The following PCCA variants were observed in gnomAD, a reference collection of about 807,000 sequenced individuals.
PCCA encodes propionyl-CoA carboxylase alpha chain, mitochondrial.
Under a neutral mutation model 101.3 loss-of-function variants are expected in PCCA, and 74 were observed. The ratio of observed to expected loss-of-function variants is 0.73; its 90% CI spans 0.61 to 0.89. The LOEUF (loss-of-function observed/expected upper bound fraction) is 0.89. Among genes scored for constraint, PCCA ranks in the 40% least tolerant of loss-of-function variants. The probability of loss-of-function intolerance (pLI) is 0.00; values close to 1 mark genes in which losing one functional copy is unlikely to be tolerated. For synonymous variants in PCCA, 294 were observed against 313.6 expected (o/e 0.94, Z 0.66); for missense variants, 891 against 907.0 (o/e 0.98, Z 0.23).
intron 1 of PCCA, 28 bp from the exon 2 acceptor site, chr13:100,102,855 A>G: frequency 6.6e-7 from 1 of 1,505,946 alleles, no homozygotes; most frequent in Non-Finnish European, 9.2e-7. Context: ...AAGTATTTGC[A>G]ATTTATTTTG....
intron 18 of PCCA, among the ~76,000 whole-genome samples, chr13:100,358,704 A>G (rs543294164): frequency 6.6e-6 from 1 of 152,324 alleles, no homozygotes; most frequent in East Asian, 1.9e-4. Context: ...AAGAGACACA[A>G]AAGGACAAAG....
intron 19 of PCCA, among the ~76,000 whole-genome samples, chr13:100,412,268 G>T (rs1261555441): frequency 6.6e-6 from 1 of 152,200 alleles, no homozygotes; most frequent in African/African-American, 2.4e-5. Flanking sequence ...ATTCACTAAG[G>T]AGAGGGTCCT....
Position 100,354,074 on chromosome 13 carries a change from A to AAAAAAT in PCCA, c.1643+13817_1643+13818insAAATAA, listed in dbSNP as rs1555430870. ...TAGAAGTTTGAGACCCCATCTCTAC[A>AAAAAAT]AATAATAATAATAATAATAATAATA... On this transcript the variant is annotated intron_variant, in intron 18 of 23. Coordinates refer to ENST00000376285, the MANE Select transcript of PCCA (RefSeq NM_000282.4). Among the ~76,000 whole-genome samples, 20 of 129,142 alleles carry AAAAAAT rather than the reference A, an allele frequency of 1.5e-4. No homozygotes were observed. In the Admixed American group the frequency reaches 1.6e-3, roughly 11 times the overall value. 84.7% of individuals were successfully genotyped at this position (129,142 alleles called of 152,430 possible).
intron 21 of PCCA, among the ~76,000 whole-genome samples, chr13:100,492,914 C>T (rs940031715): frequency 6.6e-6 from 1 of 151,950 alleles, no homozygotes; most frequent in African/African-American, 2.4e-5. Context: ...TCACCGAGAG[C>T]CATCTCCATC....
At position 100,348,920 on chromosome 13, in the gene PCCA, T is replaced by TTTCTTTTTTTCCTTCCTTCCTTCCTTCC. The variant is rs1555429132; in HGVS notation, c.1643+8663_1643+8664insCTTTTTTTCCTTCCTTCCTTCCTTCCTT. 2.2e-5 allele frequency among the ~76,000 whole-genome samples: 2 copies of TTTCTTTTTTTCCTTCCTTCCTTCCTTCC among 89,020 alleles called. 1 individual carries two copies. The highest frequency in any genetic ancestry group is 4.7e-5 in the Non-Finnish European group (2 of 42,864). The allele number at this position is 89,020 out of a possible 152,430, so 58.4% of individuals were successfully genotyped here. ...TTCCTTCCTTCCTTCCTTTCTTTTC[T>TTTCTTTTTTTCCTTCCTTCCTTCCTTCC]TTTCTTTTCTTTTCTTTCTTTTCTT... On this transcript the variant is annotated intron_variant, in intron 18 of 23. Transcript: ENST00000376285.
At chr13:100,122,064 A>G (rs1009407455) in intron 4 of PCCA, among the ~76,000 whole-genome samples, 13 of 152,206 alleles carry the variant, frequency 8.5e-5, no homozygotes, top group African/African-American at 2.4e-4. Context: ...TATCAAGAAC[A>G]GGTGTTGCAT....
At chr13:100,481,070 A>C (rs376974678) in intron 21 of PCCA, 17 of 152,072 alleles carry the variant, frequency 1.1e-4, no homozygotes, top group African/African-American at 4.1e-4. Flanking sequence ...AACTAGCACA[A>C]ATTTCTTTGT....
intron 4 of PCCA, among the ~76,000 whole-genome samples, chr13:100,136,862 G>A (rs1304065642): frequency 6.6e-5 from 10 of 151,684 alleles, no homozygotes; most frequent in Admixed American, 2.0e-4. Context: ...TTGCATTGAT[G>A]TCTTTTTTCT....
chr13:100,408,772 A>C (rs553731811), intron 19 of PCCA, among the ~76,000 whole-genome samples: 1 of 152,342 alleles, frequency 6.6e-6, no homozygotes, highest in South Asian at 2.1e-4. Context: ...CAGAGAATAC[A>C]AACAGTGATA....
intron 7 of PCCA, among the ~76,000 whole-genome samples, chr13:100,224,679 C>T (rs1050079428): frequency 6.6e-6 from 1 of 152,230 alleles, no homozygotes. Context: ...GGGGCCTATG[C>T]ATATAGGATG....
In PCCA at chr13:100,278,542, C is replaced by T. The variant is rs545706879; in HGVS notation, c.1065+5196C>T. ...CTGTCACCAGGCTGGGGTGCAGTGG[C>T]GTGATCTCGGCCTGCAAACCTCCGC... On this transcript the variant is annotated intron_variant, in intron 12 of 23. Coordinates refer to ENST00000376285, the MANE Select transcript of PCCA (RefSeq NM_000282.4). 2.7e-4 allele frequency among the ~76,000 whole-genome samples: 40 copies of T among 150,436 alleles called. 1 individual carries two copies. In the South Asian group the frequency reaches 7.8e-3, roughly 29 times the overall value.
At chr13:100,127,507 G>C (rs1358342774) in intron 4 of PCCA, among the ~76,000 whole-genome samples, 1 of 152,098 alleles carries the variant, frequency 6.6e-6, no homozygotes, top group East Asian at 1.9e-4. Flanking sequence ...CTGCTGTTAT[G>C]AAAAAGCACC....
chr13:100,150,496 GAGCGGGAGAGTAT>G, intron 4 of PCCA: 1 of 1,284,312 alleles, frequency 7.8e-7, no homozygotes, highest in Non-Finnish European at 1.0e-6. Context: ...GGTAACGGTG[GAGCGGGAGAGTAT>G]TGCGCCTTCT....
intron 4 of PCCA, among the ~76,000 whole-genome samples, chr13:100,114,448 C>CA (rs1238862586): frequency 6.6e-6 from 1 of 152,042 alleles, no homozygotes; most frequent in Non-Finnish European, 1.5e-5. Context: ...ACTAAAAATA[C>CA]AAAAATTAGC....
chr13:100,098,023 C>T (rs1329671933), intron 1 of PCCA, among the ~76,000 whole-genome samples: 1 of 143,096 alleles, frequency 7.0e-6, no homozygotes, highest in Non-Finnish European at 1.5e-5. Flanking sequence ...GATCCTGTCT[C>T]AAAAAAAAAA....
chr13:100,238,952 CTT>C (rs1350861808), intron 8 of PCCA, among the ~76,000 whole-genome samples: 1 of 152,124 alleles, frequency 6.6e-6, no homozygotes, highest in African/African-American at 2.4e-5. Context: ...AGAGTTCTCT[CTT>C]AATTCTTTCT....
intron 4 of PCCA, among the ~76,000 whole-genome samples, chr13:100,133,125 G>A (rs1566544525): frequency 6.6e-6 from 1 of 152,276 alleles, no homozygotes; most frequent in East Asian, 1.9e-4. Context: ...TCTCATTGTG[G>A]TTTTAATTTG....
At chr13:100,471,764 T>C (rs1283288) in intron 21 of PCCA, among the ~76,000 whole-genome samples, 149,055 of 152,342 alleles carry the variant, frequency 0.98, 72,971 homozygotes, top group East Asian at 1. Flanking sequence ...GTGTGTGTTC[T>C]GTGTGCAGAC....
At chr13:100,421,895 G>C (rs1453888697) in intron 19 of PCCA, among the ~76,000 whole-genome samples, 1 of 152,044 alleles carries the variant, frequency 6.6e-6, no homozygotes, top group Non-Finnish European at 1.5e-5. Context: ...ATGTTGGTCA[G>C]GCTGGTCTCA....
Sources: allele counts gnomAD v4.1 joint callset (sites outside exome capture counted in the v4.1 genomes callset), GRCh38; gene constraint gnomAD v4.1.1; transcripts MANE v1.5; gene names NCBI Gene and HGNC (gene_info 2026-07-23, HGNC 2026-07-21).